Variants in PTCH1 observed in about 807,000 individuals in gnomAD.
PTCH1 encodes the protein patched 1.
In PTCH1, 14 loss-of-function variants were observed where a neutral mutation model predicts 144.6. The observed-to-expected ratio is 0.10, with a 90% confidence interval of 0.06 to 0.15. The LOEUF (loss-of-function observed/expected upper bound fraction) is 0.15. PTCH1 is among the 10% of genes least tolerant of loss of function. The probability of loss-of-function intolerance (pLI) is 1.00; values close to 1 mark genes in which losing one functional copy is unlikely to be tolerated. For missense variants in PTCH1, 1,623 were observed against 1,948.3 expected (o/e 0.83, Z 3.14); for synonymous variants, 833 against 793.6 (o/e 1.05, Z -0.83).
At chr9:95,465,315 ACAG>A (rs1839903001) in intron 15 of PTCH1, among the ~76,000 whole-genome samples, 1 of 152,174 alleles carries the variant, frequency 6.6e-6, no homozygotes, top group South Asian at 2.1e-4. Flanking sequence ...CTGGCAGGGC[ACAG>A]CAGATCTCTT....
At chr9:95,454,441 C>T (rs995717907) in intron 19 of PTCH1, among the ~76,000 whole-genome samples, 2 of 152,176 alleles carry the variant, frequency 1.3e-5, no homozygotes, top group South Asian at 2.1e-4. Flanking sequence ...AGGACTGAGA[C>T]GGTCGTTCTC....
At chr9:95,498,025 G>A (rs1175877396) in intron 2 of PTCH1, among the ~76,000 whole-genome samples, 1 of 151,994 alleles carries the variant, frequency 6.6e-6, no homozygotes, top group East Asian at 1.9e-4. Context: ...TTTTGGGCAG[G>A]ATTCCTGAGC....
At chr9:95,459,477 G>T in intron 17 of PTCH1, 123 bp downstream of exon 17, 1 of 1,217,178 alleles carries the variant, frequency 8.2e-7, no homozygotes, top group Non-Finnish European at 1.2e-6. Flanking sequence ...AGAAGAAATA[G>T]ATTGTTCTGT....
At chr9:95,471,495 A>G (rs773582948) in intron 12 of PTCH1, among the ~76,000 whole-genome samples, 3 of 152,234 alleles carry the variant, frequency 2.0e-5, no homozygotes, top group Non-Finnish European at 4.4e-5. Flanking sequence ...GTGACAAGAG[A>G]ATTTACCTGA....
chr9:95,452,182 G>C (rs976474773), intron 20 of PTCH1: 1 of 152,194 alleles, frequency 6.6e-6, no homozygotes, highest in Non-Finnish European at 1.5e-5. Context: ...CTAAGAAGGC[G>C]GCCTCCATGA....
chr9:95,494,089 C>G (rs1011739613), intron 2 of PTCH1, among the ~76,000 whole-genome samples: 1 of 152,012 alleles, frequency 6.6e-6, no homozygotes, highest in African/African-American at 2.4e-5. Flanking sequence ...CGCACGGGAC[C>G]GCACGGGGCA....
intron 8 of PTCH1, 35 bp downstream of exon 8, chr9:95,478,964 CA>C: frequency 6.2e-7 from 1 of 1,613,950 alleles, no homozygotes; most frequent in Non-Finnish European, 8.5e-7. Context: ...ATTGCATAAC[CA>C]GCGAGTCTGC....
intron 14 of PTCH1, 63 bp downstream of exon 14, chr9:95,468,688 T>A (rs756617951): frequency 4.4e-6 from 7 of 1,589,320 alleles, no homozygotes; most frequent in Non-Finnish European, 6.0e-6. Context: ...AGCAATCTGA[T>A]GAACTCCAAA....
rs1837739697 is a variant in PTCH1 at position 95,444,697 on chromosome 9, C to T, written c.*1696G>A. The T allele has an allele frequency of 6.6e-6, 1 of 152,224 alleles. No individual in the cohort carries two copies. The highest frequency in any genetic ancestry group is 1.5e-5 in the Non-Finnish European group (1 of 68,080). The allele number at this position is 152,224 out of a possible 1,614,324, so 9.4% of individuals were successfully genotyped here. ...GGAGCTGCCACTCGTGAGCGCCTCACAGTAGCTTAGGCTTCAGCCCTGCAG... is the reference window on the plus strand; with the variant it reads ...GGAGCTGCCACTCGTGAGCGCCTCATAGTAGCTTAGGCTTCAGCCCTGCAG... On this transcript the variant is annotated 3_prime_UTR_variant, in exon 24 of 24. Coordinates refer to ENST00000331920, the MANE Select transcript of PTCH1 (RefSeq NM_000264.5).
rs113663584 is a variant in PTCH1 at position 95,449,903 on chromosome 9, C to T, written c.3487G>A (p.Gly1163Ser). The T allele has an allele frequency of 9.0e-4, 1,457 of 1,614,088 alleles. 1 individual carries two copies. Among genetic ancestry groups the T allele is most frequent in the Non-Finnish European group, 1.1e-3 (1,339 of 1,180,018 alleles). ...FAVLAILTIL[G>S]VLNGLVLLPV... ...AGCAAAACCAGCCCATTGAGAACGC[C>T]GAGGATGGTGAGGATCGCCAGCACA... Residue 1163 changes from glycine (G) to serine (S), a missense_variant, in exon 21 of 24, where the codon GGC becomes AGC. Transcript: ENST00000331920. The surrounding 1 kb of genome is among the most constrained non-coding windows in gnomAD (Gnocchi z 5.3).
intron 2 of PTCH1, among the ~76,000 whole-genome samples, chr9:95,487,871 G>T (rs569944628): frequency 6.6e-6 from 1 of 152,168 alleles, no homozygotes; most frequent in Non-Finnish European, 1.5e-5. Flanking sequence ...CAGCAACAAA[G>T]CACACCCCCC....
exon 1 of PTCH1, chr9:95,516,710 A>C: frequency 6.2e-7 from 1 of 1,612,206 alleles, no homozygotes. Context: ...CTCCGTCTTT[A>C]CAAAAGGAAC....
rs1418982066 is a variant in PTCH1 at position 95,445,676 on chromosome 9, C to T, written c.*717G>A. On this transcript the variant is annotated 3_prime_UTR_variant, in exon 24 of 24. Coordinates refer to ENST00000331920, the MANE Select transcript of PTCH1 (RefSeq NM_000264.5). ...AGATATCCTGACGCTTCCAGCCTGACTAGGTCAGAGCCTACTACAGGTTAC... is the reference window on the plus strand; with the variant it reads ...AGATATCCTGACGCTTCCAGCCTGATTAGGTCAGAGCCTACTACAGGTTAC... 1 of 152,548 alleles carries T rather than the reference C, an allele frequency of 6.6e-6. No homozygotes were observed. The highest frequency in any genetic ancestry group is 1.5e-5 in the Non-Finnish European group (1 of 68,150). The allele number at this position is 152,548 out of a possible 1,614,324, so 9.4% of individuals were successfully genotyped here.
intron 10 of PTCH1, 124 bp downstream of exon 10, chr9:95,477,423 G>A (rs1015069749): frequency 7.6e-7 from 1 of 1,321,230 alleles, no homozygotes; most frequent in Admixed American, 1.7e-5. Flanking sequence ...TAGCATCCTA[G>A]TGGAAAAGGC....
At chr9:95,502,990 C>T (rs527489086) in intron 2 of PTCH1, among the ~76,000 whole-genome samples, 4 of 152,328 alleles carry the variant, frequency 2.6e-5, no homozygotes, top group Admixed American at 2.6e-4. Context: ...CACACACACG[C>T]TCCTGTGATT....
At chr9:95,510,748 A>AG (rs754014458), upstream of PTCH1, among the ~76,000 whole-genome samples, 6 of 149,458 alleles carry the variant, frequency 4.0e-5, no homozygotes, top group Non-Finnish European at 5.9e-5. Context: ...AAAAGAAGAA[A>AG]GAAAGGAAAG....
chr9:95,508,409 G>C lies in PTCH1; in HGVS notation c.-48C>G. The C allele has an allele frequency of 5.6e-6, 6 of 1,074,034 alleles. No homozygotes were observed. The highest frequency in any genetic ancestry group is 6.7e-6 in the Non-Finnish European group (6 of 889,474). The allele number at this position is 1,074,034 out of a possible 1,614,324, so 66.5% of individuals were successfully genotyped here. ...CCGCGGGGACGGAGGCTTCCCGGGC[G>C]GCCCGGCGCGCTGCTGCCGCTGCTG... On this transcript the variant is annotated 5_prime_UTR_variant, in exon 1 of 24. Coordinates refer to ENST00000331920, the MANE Select transcript of PTCH1 (RefSeq NM_000264.5).
chr9:95,447,035 G>GCC lies in PTCH1; in HGVS notation c.4219_4220dup (p.Leu1408AlafsTer45). 1 of 1,614,188 alleles carries GCC rather than the reference G, an allele frequency of 6.2e-7. No homozygotes were observed. Among genetic ancestry groups the GCC allele is most frequent in the East Asian group, 2.2e-5 (1 of 44,866 alleles). ...AAGGCACGTGGGGGTCCTCAAACAG[G>GCC]CCGTGGTCAGTCTCAGGGTAGCCTG... On this transcript the variant is annotated frameshift_variant, in exon 23 of 24. Transcript: ENST00000331920. LOFTEE classifies it high-confidence loss of function.
In PTCH1 at chr9:95,446,958, T is replaced by G; in HGVS notation, c.4298A>C (p.Gln1433Pro). Residue 1433 changes from glutamine to proline, a missense_variant, in exon 23 of 24, where the codon CAG becomes CCG. This residue lies in a region of PTCH1 where 291 missense variants were observed against 287.4 expected (regional missense o/e 1.01). Coordinates refer to ENST00000331920, the MANE Select transcript of PTCH1 (RefSeq NM_000264.5). ...RDSKVEVIEL[Q>P]DVECEERPRG... is the part of the protein sequence containing the mutation. ...GGGCCTCTCCTCGCATTCCACGTCC[T>G]GCAGCTCAATGACTTCCACCTTCGA... 1.2e-6 allele frequency: 2 copies of G among 1,614,226 alleles called. No homozygotes were observed. Among genetic ancestry groups the G allele is most frequent in the East Asian group, 2.2e-5 (1 of 44,878 alleles).
Sources: allele counts gnomAD v4.1 joint callset (sites outside exome capture counted in the v4.1 genomes callset), GRCh38; gene constraint gnomAD v4.1.1; regional missense constraint gnomAD v4.1.1; non-coding constraint Gnocchi (gnomAD v3.1); transcripts MANE v1.5; gene names NCBI Gene and HGNC (gene_info 2026-07-23, HGNC 2026-07-21).